CCSER2: variants seen among roughly 807,000 people sequenced by gnomAD.
The protein encoded by CCSER2 is coiled-coil serine rich protein 2.
In CCSER2, 46 loss-of-function variants were observed where a neutral mutation model predicts 92.3. That is an observed-to-expected ratio of 0.50 (90% CI 0.39 to 0.64). The LOEUF is 0.64. Among genes scored for constraint, CCSER2 ranks in the 30% least tolerant of loss-of-function variants. The probability of loss-of-function intolerance (pLI) is 0.00; values close to 1 mark genes in which losing one functional copy is unlikely to be tolerated. For missense variants in CCSER2, 1,244 were observed against 1,238.9 expected, an observed-to-expected ratio of 1.00 and a Z score of -0.06; for synonymous variants, 433 against 431.4, an observed-to-expected ratio of 1.00 and a Z score of -0.04.
intron 1 of CCSER2, among the ~76,000 whole-genome samples, chr10:84,342,723 C>G (rs1844263447): frequency 6.6e-6 from 1 of 152,136 alleles, no homozygotes; most frequent in Admixed American, 6.5e-5. Flanking sequence ...TACTCATTCC[C>G]CCGCAACATT....
chr10:84,379,996 G>A (rs1286309469), intron 3 of CCSER2, among the ~76,000 whole-genome samples: 1 of 151,962 alleles, frequency 6.6e-6, no homozygotes, highest in Non-Finnish European at 1.5e-5. Flanking sequence ...GTTTCTTTAG[G>A]ATATAAACCT....
At chr10:84,337,766 G>A (rs1314175247) in intron 1 of CCSER2, among the ~76,000 whole-genome samples, 1 of 152,184 alleles carries the variant, frequency 6.6e-6, no homozygotes. Context: ...AGGGAGACAA[G>A]TCTGTCTTTC....
At chr10:84,513,403 G>A (rs1849468174) in intron 9 of CCSER2, 46 bp from the exon 10 acceptor site, 1 of 1,396,568 alleles carries the variant, frequency 7.2e-7, no homozygotes, top group East Asian at 2.3e-5. Flanking sequence ...AAATCTGGGT[G>A]GAATTTCTAA....
intron 3 of CCSER2, among the ~76,000 whole-genome samples, chr10:84,399,925 T>G (rs1294369539): frequency 1.3e-5 from 2 of 151,920 alleles, no homozygotes; most frequent in Admixed American, 6.6e-5. Flanking sequence ...CTTTCTTTCT[T>G]TAAGTAACCA....
Position 84,371,119 on chromosome 10 carries a change from G to C in CCSER2, c.67G>C (p.Val23Leu). Residue 23 changes from valine to leucine, a missense_variant, in exon 2 of 10, where the codon GTA becomes CTA. Coordinates refer to ENST00000372088, the MANE Select transcript of CCSER2 (RefSeq NM_001284240.2). ...GTTGCCAAAGTATGGAACAAAATCT[G>C]TAAGAAGTACATTGCAGCCAATGCC... ...SKLPKYGTKS[V>L]RSTLQPMPNG... 6 of 1,611,194 alleles carry C rather than the reference G, an allele frequency of 3.7e-6. No individual in the cohort carries two copies. Among genetic ancestry groups the C allele is most frequent in the Non-Finnish European group, 5.1e-6 (6 of 1,179,154 alleles).
At chr10:84,453,812 C>A (rs1376278531) in intron 6 of CCSER2, among the ~76,000 whole-genome samples, 1 of 152,128 alleles carries the variant, frequency 6.6e-6, no homozygotes, top group Admixed American at 6.5e-5. Context: ...GATTGGTCCT[C>A]TGATTACTAA....
chr10:84,442,921 T>C (rs1258066357), intron 6 of CCSER2, among the ~76,000 whole-genome samples: 2 of 152,138 alleles, frequency 1.3e-5, no homozygotes, highest in Admixed American at 6.6e-5. Flanking sequence ...TAATAAATGG[T>C]GTTGGGAAAA....
In CCSER2 at chr10:84,454,912, A is replaced by G. The variant is rs1222408634; in HGVS notation, c.2065-9021A>G. On this transcript the variant is annotated intron_variant, in intron 6 of 9. Transcript: ENST00000372088. ...TTGAATTGTAGCTCCCATAATCCCTACGTGTTGTGGGATGGACCTGGTGAG... is the reference window on the plus strand; with the variant it reads ...TTGAATTGTAGCTCCCATAATCCCTGCGTGTTGTGGGATGGACCTGGTGAG... The G allele has an allele frequency of 3.3e-5, 5 of 152,424 alleles. No homozygotes were observed. In the East Asian group the frequency reaches 7.8e-4, roughly 24 times the overall value. 9.4% of individuals were successfully genotyped at this position (152,424 alleles called of 1,614,324 possible).
At chr10:84,394,631 G>A (rs1841725926) in intron 3 of CCSER2, among the ~76,000 whole-genome samples, 1 of 152,010 alleles carries the variant, frequency 6.6e-6, no homozygotes, top group Admixed American at 6.6e-5. Flanking sequence ...GTAGAGGGTA[G>A]TTAGAAATGA....
chr10:84,429,017 A>C (rs1312978854), intron 5 of CCSER2, among the ~76,000 whole-genome samples: 3 of 149,146 alleles, frequency 2.0e-5, no homozygotes, highest in East Asian at 3.9e-4. Context: ...ATATATATAC[A>C]CACTTAAGAA....
intron 9 of CCSER2, among the ~76,000 whole-genome samples, chr10:84,507,545 T>G (rs568327405): frequency 1.3e-5 from 2 of 152,342 alleles, no homozygotes; most frequent in African/African-American, 4.8e-5. Flanking sequence ...AGCTAAATTC[T>G]GTGTCTGTTA....
chr10:84,439,548 G>A (rs544276866), intron 6 of CCSER2, among the ~76,000 whole-genome samples: 14 of 152,236 alleles, frequency 9.2e-5, no homozygotes, highest in Admixed American at 7.9e-4. Flanking sequence ...ATATGCACAC[G>A]AAAGGCTAGT....
chr10:84,498,713 T>A (rs776648125), intron 9 of CCSER2, among the ~76,000 whole-genome samples: 6 of 152,208 alleles, frequency 3.9e-5, no homozygotes, highest in Non-Finnish European at 7.3e-5. Flanking sequence ...CTTTTGCAGA[T>A]TTAACTGGGT....
rs747129922 is a variant in CCSER2 at position 84,371,225 on chromosome 10, G to A, written c.173G>A (p.Cys58Tyr). Reference protein sequence around the residue: ...KSYIKNNGSDCPSSHSFNWRK... With the variant: ...KSYIKNNGSDYPSSHSFNWRK... The stretch of plus-strand genomic sequence containing the variant: ...TACATCAAAAATAATGGCTCTGATT[G>A]TCCATCATCTCATTCATTTAATTGG... The change falls in exon 2 of 10, where the codon TGT becomes TAT. Residue 58 changes from cysteine (C) to tyrosine (Y), a missense_variant. Coordinates refer to ENST00000372088, the MANE Select transcript of CCSER2 (RefSeq NM_001284240.2). The A allele has an allele frequency of 6.2e-7, 1 of 1,613,200 alleles. No homozygotes were observed. Among genetic ancestry groups the A allele is most frequent in the South Asian group, 1.1e-5 (1 of 90,890 alleles).
At chr10:84,330,449 A>T (rs1263833128) in intron 1 of CCSER2, among the ~76,000 whole-genome samples, 1 of 152,136 alleles carries the variant, frequency 6.6e-6, no homozygotes, top group Non-Finnish European at 1.5e-5. Context: ...TACACTCTCC[A>T]GTTAGTATTT....
intron 3 of CCSER2, chr10:84,391,050 T>C (rs1399190365): frequency 1.3e-6 from 1 of 777,744 alleles, no homozygotes; most frequent in Admixed American, 1.7e-5. Flanking sequence ...CAGTAGGACA[T>C]CATTCAAACA....
intron 1 of CCSER2, among the ~76,000 whole-genome samples, chr10:84,368,323 T>C (rs1289138081): frequency 6.6e-6 from 1 of 152,180 alleles, no homozygotes; most frequent in African/African-American, 2.4e-5. Context: ...TTTTAAACTT[T>C]ATAAGTTCTT....
At position 84,517,132 on chromosome 10, in the gene CCSER2, G is replaced by C. The variant is rs1430344850; in HGVS notation, c.*2865G>C. 3 of 152,174 alleles carry C rather than the reference G, an allele frequency of 2.0e-5. No individual in the cohort carries two copies. Among genetic ancestry groups the C allele is most frequent in the Non-Finnish European group, 4.4e-5 (3 of 68,022 alleles). The allele number at this position is 152,174 out of a possible 1,614,324, so 9.4% of individuals were successfully genotyped here. A position where few individuals can be genotyped will look rare whatever the true frequency, so the allele number is the denominator to read the frequency against. The stretch of plus-strand genomic sequence containing the variant: ...TCTTAGTTCTAGTGGTATCAATGAA[G>C]ATAGTTACAGTATATGAATTCTAAG... On this transcript the variant is annotated 3_prime_UTR_variant, in exon 10 of 10. Coordinates refer to ENST00000372088, the MANE Select transcript of CCSER2 (RefSeq NM_001284240.2).
At position 84,496,877 on chromosome 10, in the gene CCSER2, T is replaced by C. The variant is rs143103546; in HGVS notation, c.2326-16572T>C. Among the ~76,000 whole-genome samples the C allele has an allele frequency of 2.5e-3, 386 of 152,284 alleles. 2 individuals carry two copies. The highest frequency in any genetic ancestry group is 8.5e-3 in the African/African-American group (354 of 41,554). On this transcript the variant is annotated intron_variant, in intron 9 of 9. Coordinates refer to ENST00000372088, the MANE Select transcript of CCSER2 (RefSeq NM_001284240.2). ...TTTTTCTCTCTACCTTTCAGAATAT[T>C]GTGTTTTATATATAGTGCCCAGGGT...
Sources: allele counts gnomAD v4.1 joint callset (sites outside exome capture counted in the v4.1 genomes callset), GRCh38; gene constraint gnomAD v4.1.1; transcripts MANE v1.5; gene names NCBI Gene and HGNC (gene_info 2026-07-23, HGNC 2026-07-21).